TXNDC12: variants seen among roughly 807,000 people sequenced by gnomAD.
TXNDC12 encodes the protein thioredoxin domain containing 12.
A neutral mutation model predicts 24.2 loss-of-function variants in TXNDC12; 22 were observed. That is an observed-to-expected ratio of 0.91 (90% CI 0.65 to 1.30). The LOEUF (loss-of-function observed/expected upper bound fraction) is 1.30. TXNDC12 is among the 50% of genes most tolerant of loss of function. TXNDC12 has a pLI of 0.00. For synonymous variants in TXNDC12, 58 were observed against 73.4 expected, an observed-to-expected ratio of 0.79 and a Z score of 1.07; for missense variants, 184 against 205.8, an observed-to-expected ratio of 0.89 and a Z score of 0.65.
At chr1:52,046,867 ATATATATATATAT>A (rs1343440928) in intron 1 of TXNDC12, among the ~76,000 whole-genome samples, 1 of 31,262 alleles carries the variant, frequency 3.2e-5, no homozygotes. Context: ...AAAAAAAAAA[ATATATATATATAT>A]ATATATATAT....
chr1:52,046,866 A>AAAATATATATAT (rs1229275355), intron 1 of TXNDC12, among the ~76,000 whole-genome samples: 37 of 30,148 alleles, frequency 1.2e-3, no homozygotes, highest in African/African-American at 1.9e-3. Context: ...AAAAAAAAAA[A>AAAATATATATAT]ATATATATAT....
At chr1:52,033,354 T>C (rs556501331) in intron 2 of TXNDC12, 32 of 1,613,574 alleles carry the variant, frequency 2.0e-5, no homozygotes, top group Non-Finnish European at 2.5e-5. Context: ...CCTCAGCGCG[T>C]GGCCGCCAAC....
chr1:52,043,306 T>C (rs914156047), intron 1 of TXNDC12, among the ~76,000 whole-genome samples: 1 of 152,246 alleles, frequency 6.6e-6, no homozygotes, highest in East Asian at 1.9e-4. Context: ...ATCTTTCTTA[T>C]TCCTCTCTGT....
chr1:52,051,487 T>C (rs960684692), intron 1 of TXNDC12, among the ~76,000 whole-genome samples: 4 of 152,210 alleles, frequency 2.6e-5, no homozygotes, highest in Non-Finnish European at 5.9e-5. Flanking sequence ...GCAATTCTCC[T>C]GCCTCAGCCT....
At chr1:52,046,280 G>A (rs957297360) in intron 1 of TXNDC12, among the ~76,000 whole-genome samples, 1 of 152,094 alleles carries the variant, frequency 6.6e-6, no homozygotes, top group Non-Finnish European at 1.5e-5. Context: ...CAAAAGCAAG[G>A]AGACTAATAA....
rs183662600 is a variant in TXNDC12, at chr1:52,032,603, A to C, written c.159-3973T>G. On this transcript the variant is annotated intron_variant, in intron 2 of 6. Coordinates refer to ENST00000371626, the MANE Select transcript of TXNDC12 (RefSeq NM_015913.4). The stretch of plus-strand genomic sequence containing the variant: ...CACAACAGCTCTAGTACAGTACTGC[A>C]TCGATATGCTCTGGAGACCTGCAGC... 1.3e-4 allele frequency: 195 copies of C among 1,501,658 alleles called. 1 individual carries two copies. The African/African-American group carries it at 2.5e-3, about 19-fold the overall frequency. The allele number at this position is 1,501,658 out of a possible 1,614,324, so 93.0% of individuals were successfully genotyped here. A position where few individuals can be genotyped will look rare whatever the true frequency, so the allele number is the denominator to read the frequency against.
intron 2 of TXNDC12, chr1:52,033,706 T>C (rs1685826271): frequency 5.0e-6 from 8 of 1,611,022 alleles, no homozygotes; most frequent in Non-Finnish European, 6.8e-6. Context: ...GCGCAACTCT[T>C]CAGCACGCCG....
At chr1:52,035,888 T>G (rs1361188893) in intron 2 of TXNDC12, among the ~76,000 whole-genome samples, 1 of 152,240 alleles carries the variant, frequency 6.6e-6, no homozygotes, top group Admixed American at 6.5e-5. Flanking sequence ...GAGCAGGCTC[T>G]GAAGCCAGAG....
rs998076969 is a variant in TXNDC12 at position 52,041,534 on chromosome 1, T to C, written c.158+3A>G. On this transcript the variant is annotated splice_donor_region_variant and intron_variant, in intron 2 of 6. Transcript: ENST00000371626. Reference sequence around the variant, plus strand: ...ATAAATGACCTAAAACCATGTCTTGTACCTGGCAGCTGCTTCTTTCTTCCC... The same window carrying C: ...ATAAATGACCTAAAACCATGTCTTGCACCTGGCAGCTGCTTCTTTCTTCCC... 6.2e-7 allele frequency: 1 copy of C among 1,609,228 alleles called. No individual in the cohort carries two copies. Among genetic ancestry groups the C allele is most frequent in the African/African-American group, 1.3e-5 (1 of 74,812 alleles).
intron 1 of TXNDC12, among the ~76,000 whole-genome samples, chr1:52,053,685 C>CA (rs60974198): frequency 0.04 from 5,920 of 149,844 alleles, 273 homozygotes; most frequent in African/African-American, 0.12. Context: ...AAAACAACAA[C>CA]AAAAAAAAAC....
intron 1 of TXNDC12, among the ~76,000 whole-genome samples, chr1:52,043,542 TC>T (rs1686034497): frequency 6.6e-6 from 1 of 152,244 alleles, no homozygotes. Flanking sequence ...TTTTACTTAA[TC>T]TCTGTATGCT....
At chr1:52,033,779 A>T (rs746144140) in intron 2 of TXNDC12, 1 of 1,555,424 alleles carries the variant, frequency 6.4e-7, no homozygotes, top group East Asian at 2.3e-5. Context: ...GGGAGCGACC[A>T]TTGGCAACCG....
intron 1 of TXNDC12, among the ~76,000 whole-genome samples, chr1:52,042,296 CA>C: frequency 6.6e-6 from 1 of 151,988 alleles, no homozygotes; most frequent in East Asian, 1.9e-4. Flanking sequence ...AAACAAAAAA[CA>C]AAAACAAAAA....
chr1:52,024,633 A>C (rs748484698), intron 4 of TXNDC12, 54 bp from the exon 5 acceptor site: 32 of 1,424,622 alleles, frequency 2.2e-5, no homozygotes, highest in African/African-American at 2.8e-5. Flanking sequence ...CTCTCCTCAA[A>C]ACCATTCAGT....
chr1:52,020,768 G>C lies in TXNDC12; in HGVS notation c.*165C>G. ...GCTGGATCCACAAACATGCAGACCA[G>C]CTTCTGTTAGCAGAACTCTTCCACA... is the stretch of plus-strand genomic sequence containing the variant. On this transcript the variant is annotated 3_prime_UTR_variant, in exon 7 of 7. Transcript: ENST00000371626. The C allele has an allele frequency of 1.7e-6, 1 of 575,160 alleles. No homozygotes were observed. The highest frequency in any genetic ancestry group is 3.1e-6 in the Non-Finnish European group (1 of 327,530). The allele number at this position is 575,160 out of a possible 1,614,324, so 35.6% of individuals were successfully genotyped here.
chr1:52,024,451 T>C, intron 5 of TXNDC12, 59 bp downstream of exon 5: 1 of 1,354,254 alleles, frequency 7.4e-7, no homozygotes, highest in East Asian at 2.3e-5. Flanking sequence ...GTCAGTGCCT[T>C]GATTCATTTC....
At chr1:52,028,121 G>A (rs958729766) in intron 3 of TXNDC12, among the ~76,000 whole-genome samples, 2 of 151,742 alleles carry the variant, frequency 1.3e-5, no homozygotes, top group African/African-American at 2.4e-5. Flanking sequence ...CACTGCGCCT[G>A]GTCTTTTATA....
In TXNDC12 at chr1:52,053,787, A is replaced by G. The variant is rs547275705; in HGVS notation, c.97+1213T>C. Among the ~76,000 whole-genome samples, 4 of 152,368 alleles carry G rather than the reference A, an allele frequency of 2.6e-5. No homozygotes were observed. The East Asian group carries it at 7.7e-4, about 29-fold the overall frequency. On this transcript the variant is annotated intron_variant, in intron 1 of 6. Coordinates refer to ENST00000371626, the MANE Select transcript of TXNDC12 (RefSeq NM_015913.4). Reference sequence around the variant, plus strand: ...AGTTTCATCACTGAGATGGAAACCCACATATCACCTTCTCCAAAAAGCTTC... The same window carrying G: ...AGTTTCATCACTGAGATGGAAACCCGCATATCACCTTCTCCAAAAAGCTTC...
chr1:52,022,723 C>G (rs530965185), intron 6 of TXNDC12, among the ~76,000 whole-genome samples: 5 of 151,040 alleles, frequency 3.3e-5, no homozygotes, highest in African/African-American at 1.2e-4. Flanking sequence ...TCACTGCAAC[C>G]TCTGCCTCTC....
Sources: allele counts gnomAD v4.1 joint callset (sites outside exome capture counted in the v4.1 genomes callset), GRCh38; gene constraint gnomAD v4.1.1; transcripts MANE v1.5; gene names NCBI Gene and HGNC (gene_info 2026-07-23, HGNC 2026-07-21).